SERGEF: variants seen among roughly 807,000 people sequenced by gnomAD.
The protein encoded by SERGEF is secretion-regulating guanine nucleotide exchange factor.
Under a neutral mutation model 50.0 loss-of-function variants are expected in SERGEF, and 51 were observed. The ratio of observed to expected loss-of-function variants is 1.02; its 90% CI spans 0.81 to 1.29. The LOEUF (loss-of-function observed/expected upper bound fraction) is 1.29. Ranked by LOEUF, SERGEF falls within the 50% of genes most tolerant of loss-of-function variation. The pLI is 0.00. For synonymous variants in SERGEF, 205 were observed against 212.4 expected (o/e 0.97, Z 0.30); for missense variants, 521 against 557.0 (o/e 0.94, Z 0.65).
At chr11:17,862,359 T>C (rs1850941471) in intron 10 of SERGEF, among the ~76,000 whole-genome samples, 1 of 152,222 alleles carries the variant, frequency 6.6e-6, no homozygotes. Flanking sequence ...TCAATTCTCC[T>C]ATTTTATCCA....
chr11:17,816,536 A>C (rs1320902526), intron 10 of SERGEF, among the ~76,000 whole-genome samples: 1 of 152,232 alleles, frequency 6.6e-6, no homozygotes, highest in Non-Finnish European at 1.5e-5. Context: ...TTATTGCCTC[A>C]AAGGCATGGC....
At chr11:17,942,523 T>C (rs781028237) in intron 9 of SERGEF, among the ~76,000 whole-genome samples, 1 of 152,208 alleles carries the variant, frequency 6.6e-6, no homozygotes, top group Non-Finnish European at 1.5e-5. Context: ...TTTGTTAGAT[T>C]TTATAATTCA....
intron 4 of SERGEF, among the ~76,000 whole-genome samples, chr11:18,002,616 AC>A: frequency 6.6e-6 from 1 of 152,204 alleles, no homozygotes; most frequent in Non-Finnish European, 1.5e-5. Context: ...GCCTCTTCTC[AC>A]CCCACCTTCC....
At chr11:17,867,599 C>T (rs187757641) in intron 10 of SERGEF, among the ~76,000 whole-genome samples, 45 of 152,332 alleles carry the variant, frequency 3.0e-4, no homozygotes, top group Non-Finnish European at 5.9e-4. Flanking sequence ...CCTCTTCTCA[C>T]CGCTCCACTA....
chr11:17,972,333 T>C (rs1042405715), intron 8 of SERGEF, among the ~76,000 whole-genome samples: 6 of 152,190 alleles, frequency 3.9e-5, no homozygotes, highest in African/African-American at 1.4e-4. Flanking sequence ...TGTGGCAAAT[T>C]TCACTATTGT....
At position 17,888,935 on chromosome 11, in the gene SERGEF, A is replaced by T. The variant is rs1293098408; in HGVS notation, c.1012-10691T>A. On this transcript the variant is annotated intron_variant, in intron 9 of 10. Transcript: ENST00000265965. The surrounding 1 kb of genome is among the most constrained non-coding windows in gnomAD (Gnocchi z 4.1). ...AAAAGGAAACTAGCCAGCCTGAAAC[A>T]GCTCCCACTAGCTAAATCAGGGAGA... 6.6e-6 allele frequency among the ~76,000 whole-genome samples: 1 copy of T among 152,214 alleles called. No individual in the cohort carries two copies. Among genetic ancestry groups the T allele is most frequent in the Non-Finnish European group, 1.5e-5 (1 of 68,042 alleles).
chr11:18,003,039 A>G (rs1853997491), intron 4 of SERGEF, among the ~76,000 whole-genome samples: 1 of 152,216 alleles, frequency 6.6e-6, no homozygotes, highest in Admixed American at 6.5e-5. Flanking sequence ...ATTGGGAGCT[A>G]TAATACTTCC....
At chr11:17,914,586 G>GTATTT (rs1237410875) in intron 9 of SERGEF, among the ~76,000 whole-genome samples, 4 of 151,978 alleles carry the variant, frequency 2.6e-5, no homozygotes, top group South Asian at 2.1e-4. Flanking sequence ...CCTCAGCTAA[G>GTATTT]TATTTTATTT....
chr11:18,010,054 A>G (rs1854164632), intron 1 of SERGEF: 3 of 1,030,164 alleles, frequency 2.9e-6, no homozygotes, highest in Non-Finnish European at 3.9e-6. Flanking sequence ...AGAAATCTTT[A>G]TAATTTATTC....
At chr11:17,914,299 A>T (rs1249598089) in intron 9 of SERGEF, among the ~76,000 whole-genome samples, 1 of 152,212 alleles carries the variant, frequency 6.6e-6, no homozygotes, top group Non-Finnish European at 1.5e-5. Context: ...GCTACATATT[A>T]TCAGTACCTG....
intron 9 of SERGEF, among the ~76,000 whole-genome samples, chr11:17,934,136 G>A (rs1303114363): frequency 6.6e-6 from 1 of 151,990 alleles, no homozygotes; most frequent in Non-Finnish European, 1.5e-5. Context: ...GAAAGGTATT[G>A]TCCAGGTATA....
chr11:17,805,160 G>GCCACA (rs1670598434), intron 10 of SERGEF, among the ~76,000 whole-genome samples: 2 of 152,164 alleles, frequency 1.3e-5, no homozygotes, highest in Non-Finnish European at 2.9e-5. Flanking sequence ...CAGCCACATG[G>GCCACA]CTCCATGGCA....
intron 9 of SERGEF, among the ~76,000 whole-genome samples, chr11:17,950,155 G>T (rs1590214216): frequency 6.6e-6 from 1 of 152,140 alleles, no homozygotes. Flanking sequence ...GAAAGTAAGG[G>T]CACACATTCA....
At chr11:17,896,078 G>A (rs775064799) in intron 9 of SERGEF, among the ~76,000 whole-genome samples, 60 of 151,938 alleles carry the variant, frequency 3.9e-4, no homozygotes, top group Non-Finnish European at 2.6e-4. Context: ...TATTTCCTTG[G>A]GATAAGTTTT....
chr11:17,813,082 G>C (rs1286667407), intron 10 of SERGEF, among the ~76,000 whole-genome samples: 1 of 152,198 alleles, frequency 6.6e-6, no homozygotes, highest in East Asian at 1.9e-4. Context: ...CCTGGATTCA[G>C]TCCCAGCCTT....
intron 9 of SERGEF, among the ~76,000 whole-genome samples, chr11:17,931,658 T>C (rs1852355005): frequency 1.3e-5 from 2 of 152,216 alleles, no homozygotes; most frequent in South Asian, 4.1e-4. Context: ...AGGTGACTTC[T>C]GTGAGCACTT....
Position 17,899,996 on chromosome 11 carries a change from A to G in SERGEF, c.1012-21752T>C, listed in dbSNP as rs1851719447. Among the ~76,000 whole-genome samples the G allele has an allele frequency of 2.0e-5, 3 of 152,036 alleles. No individual in the cohort carries two copies. The South Asian group carries it at 6.2e-4, about 32-fold the overall frequency. The stretch of plus-strand genomic sequence containing the variant: ...AATAAAAAATTAATGAACATGTACT[A>G]TATGTCAGGCAATGTGCTGGCACTA... On this transcript the variant is annotated intron_variant, in intron 9 of 10. Transcript: ENST00000265965.
At chr11:17,992,897 T>C (rs1853748193) in intron 7 of SERGEF, 34 bp downstream of exon 7, 2 of 1,577,298 alleles carry the variant, frequency 1.3e-6, no homozygotes, top group African/African-American at 2.7e-5. Flanking sequence ...GAATCCTGAA[T>C]GGCATGTTAA....
intron 7 of SERGEF, among the ~76,000 whole-genome samples, chr11:17,992,317 A>T (rs484616): frequency 0.49 from 75,239 of 152,024 alleles, 19,449 homozygotes; most frequent in African/African-American, 0.65. Context: ...AAATAGATAC[A>T]TAGGTAAACA....
Sources: gnomAD v4.1 joint callset for allele counts (sites outside exome capture counted in the v4.1 genomes callset) on GRCh38, gnomAD v4.1.1 for gene constraint, Gnocchi (gnomAD v3.1) non-coding constraint, MANE v1.5 for transcripts, NCBI Gene and HGNC (gene_info 2026-07-23, HGNC 2026-07-21) for gene names.